Variants in CDH13 observed in about 807,000 individuals in gnomAD.
The protein encoded by CDH13 is cadherin 13.
Under a neutral mutation model 63.8 loss-of-function variants are expected in CDH13, and 24 were observed. The observed-to-expected ratio is 0.38, with a 90% CI of 0.27 to 0.53. CDH13 has a LOEUF of 0.53. Ranked by LOEUF, CDH13 falls within the 20% of genes least tolerant of loss-of-function variation. The probability of loss-of-function intolerance (pLI) is 0.85; values close to 1 mark genes in which losing one functional copy is unlikely to be tolerated. For synonymous variants in CDH13, 503 were observed against 355.3 expected (o/e 1.42, Z -4.67); for missense variants, 1,049 against 903.1 (o/e 1.16, Z -2.07).
intron 7 of CDH13, among the ~76,000 whole-genome samples, chr16:83,562,346 T>A (rs924703931): frequency 1.9e-4 from 29 of 152,148 alleles, no homozygotes; most frequent in African/African-American, 6.5e-4. Flanking sequence ...AAAAAAAAAT[T>A]GCAAAGTATA....
intron 8 of CDH13, among the ~76,000 whole-genome samples, chr16:83,624,596 C>T (rs964293887): frequency 6.6e-6 from 1 of 152,148 alleles, no homozygotes; most frequent in Non-Finnish European, 1.5e-5. Flanking sequence ...GGAGGCGGTG[C>T]TCAGGCGGTC....
rs1171833219 is a variant in CDH13 at position 82,827,171 on chromosome 16, TAGTTGTTGGACTCTTAGAAATGGATAA to T, written c.46-31186_46-31160del. ...ATAATACTGTTAATATAGTAAAATGTAGTTGTTGGACTCTTAGAAATGGATAAAGTTTAGGTTTGTAATTTCCCAGAC... is the reference window on the plus strand; with the variant it reads ...ATAATACTGTTAATATAGTAAAATGTAGTTTAGGTTTGTAATTTCCCAGAC... On this transcript the variant is annotated intron_variant, in intron 1 of 13. Transcript: ENST00000567109. Among the ~76,000 whole-genome samples, 23 of 152,330 alleles carry T rather than the reference TAGTTGTTGGACTCTTAGAAATGGATAA, an allele frequency of 1.5e-4. No individual in the cohort carries two copies. The East Asian group carries it at 3.9e-3, about 26-fold the overall frequency.
At chr16:82,691,117 A>G (rs1915602929) in intron 1 of CDH13, among the ~76,000 whole-genome samples, 1 of 152,314 alleles carries the variant, frequency 6.6e-6, no homozygotes, top group Non-Finnish European at 1.5e-5. Flanking sequence ...GCTGCACTGG[A>G]CTCAGAGATA....
intron 10 of CDH13, among the ~76,000 whole-genome samples, chr16:83,691,999 T>G (rs1213386053): frequency 6.6e-6 from 1 of 152,088 alleles, no homozygotes; most frequent in Non-Finnish European, 1.5e-5. Flanking sequence ...ATTAGGAAGA[T>G]TCAGGAAATT....
chr16:83,276,633 G>C (rs1208997704), intron 5 of CDH13, among the ~76,000 whole-genome samples: 1 of 152,114 alleles, frequency 6.6e-6, no homozygotes, highest in Non-Finnish European at 1.5e-5. Context: ...CACTTTGGGA[G>C]GCCAAGTCGG....
At chr16:82,705,055 C>G (rs1192399454) in intron 1 of CDH13, 5 of 435,952 alleles carry the variant, frequency 1.1e-5, no homozygotes, top group Non-Finnish European at 2.3e-5. Flanking sequence ...TCTTTTTATT[C>G]TTGTAGACAC....
chr16:83,435,957 A>G (rs1360825637), intron 6 of CDH13, among the ~76,000 whole-genome samples: 1 of 152,200 alleles, frequency 6.6e-6, no homozygotes, highest in Non-Finnish European at 1.5e-5. Context: ...TTCAATTTAA[A>G]AAGCTATTGA....
intron 1 of CDH13, among the ~76,000 whole-genome samples, chr16:82,812,094 A>G (rs954081610): frequency 6.6e-6 from 1 of 152,106 alleles, no homozygotes; most frequent in East Asian, 1.9e-4. Flanking sequence ...CTTTGTCTCT[A>G]TGTATTCACA....
chr16:83,629,567 T>C (rs1375173882), intron 8 of CDH13, among the ~76,000 whole-genome samples: 1 of 152,212 alleles, frequency 6.6e-6, no homozygotes, highest in Non-Finnish European at 1.5e-5. Context: ...TGCCAAGCCA[T>C]CATCTAAATT....
chr16:83,188,727 A>G (rs1000452169), intron 4 of CDH13, among the ~76,000 whole-genome samples: 7 of 152,254 alleles, frequency 4.6e-5, no homozygotes, highest in African/African-American at 1.7e-4. Context: ...TTGTGTATTT[A>G]AAAAGACTAT....
intron 3 of CDH13, among the ~76,000 whole-genome samples, chr16:83,103,788 A>T (rs747413862): frequency 1.3e-5 from 2 of 152,232 alleles, no homozygotes; most frequent in African/African-American, 4.8e-5. Context: ...CTTAGTGCCT[A>T]ATTCACAGTA....
At chr16:82,913,206 A>G (rs2151268101) in intron 2 of CDH13, among the ~76,000 whole-genome samples, 1 of 152,306 alleles carries the variant, frequency 6.6e-6, no homozygotes, top group African/African-American at 2.4e-5. Flanking sequence ...TCTAGGTACA[A>G]AATGAATTGG....
At chr16:83,297,104 A>G (rs1015925547) in intron 5 of CDH13, among the ~76,000 whole-genome samples, 4 of 152,102 alleles carry the variant, frequency 2.6e-5, no homozygotes, top group Admixed American at 6.6e-5. Flanking sequence ...AGGAGAGAGG[A>G]TGGTCAACAG....
chr16:83,512,334 AAAT>A (rs1389189604), intron 7 of CDH13, among the ~76,000 whole-genome samples: 3 of 141,354 alleles, frequency 2.1e-5, no homozygotes, highest in African/African-American at 8.1e-5. Flanking sequence ...ATAAATAAAT[AAAT>A]AAATAAATAA....
intron 3 of CDH13, among the ~76,000 whole-genome samples, chr16:83,106,472 C>T (rs1331917106): frequency 2.0e-5 from 3 of 152,144 alleles, no homozygotes; most frequent in Admixed American, 2.0e-4. Flanking sequence ...ATCCAGGAAG[C>T]AGAGGTTGCG....
At chr16:82,968,846 G>A (rs1908265761) in intron 2 of CDH13, among the ~76,000 whole-genome samples, 1 of 152,234 alleles carries the variant, frequency 6.6e-6, no homozygotes. Flanking sequence ...AAGGCTGGGT[G>A]TAGTGGCTCA....
chr16:82,795,636 C>A (rs544941384), intron 1 of CDH13, among the ~76,000 whole-genome samples: 1 of 152,188 alleles, frequency 6.6e-6, no homozygotes, highest in East Asian at 1.9e-4. Context: ...CAAGGTCCTA[C>A]AGTTGTTAAG....
At chr16:83,516,873 G>T (rs1413212939) in intron 7 of CDH13, among the ~76,000 whole-genome samples, 1 of 152,174 alleles carries the variant, frequency 6.6e-6, no homozygotes, top group Non-Finnish European at 1.5e-5. Flanking sequence ...AGCAAGGAGT[G>T]CTCCCTGGAG....
chr16:82,638,035 G>A (rs1035733603), intron 1 of CDH13, among the ~76,000 whole-genome samples: 3 of 152,192 alleles, frequency 2.0e-5, no homozygotes, highest in Non-Finnish European at 4.4e-5. Context: ...AGCAGTAGAG[G>A]CTGAAATCCA....
Sources: allele counts gnomAD v4.1 joint callset (sites outside exome capture counted in the v4.1 genomes callset), GRCh38; gene constraint gnomAD v4.1.1; transcripts MANE v1.5; gene names NCBI Gene and HGNC (gene_info 2026-07-23, HGNC 2026-07-21).